Variants in LRPPRC observed in about 807,000 individuals in gnomAD.
The protein encoded by LRPPRC is leucine-rich PPR motif-containing protein, mitochondrial.
In LRPPRC, 120 loss-of-function variants were observed where a neutral mutation model predicts 180.3. The observed-to-expected ratio is 0.67, with a 90% CI of 0.57 to 0.77. The LOEUF (loss-of-function observed/expected upper bound fraction) is 0.77. LRPPRC is among the 30% of genes least tolerant of loss of function. The pLI, the probability that LRPPRC is intolerant of heterozygous loss-of-function variation, is 0.00. For synonymous variants in LRPPRC, 723 were observed against 600.0 expected (o/e 1.21, Z -3.00); for missense variants, 2,012 against 1,657.2 (o/e 1.21, Z -3.72).
chr2:43,972,160 G>A (rs915598253), intron 11 of LRPPRC, among the ~76,000 whole-genome samples: 4 of 152,102 alleles, frequency 2.6e-5, no homozygotes, highest in African/African-American at 9.7e-5. Context: ...TCTAATCCCA[G>A]CCTAATCACA....
chr2:43,921,515 A>G (rs1671699052), intron 27 of LRPPRC, among the ~76,000 whole-genome samples: 1 of 152,208 alleles, frequency 6.6e-6, no homozygotes, highest in Admixed American at 6.5e-5. Context: ...GTAAAGTATA[A>G]AACAATCAAA....
At chr2:43,919,297 T>C (rs1042898465) in intron 27 of LRPPRC, among the ~76,000 whole-genome samples, 4 of 152,200 alleles carry the variant, frequency 2.6e-5, no homozygotes, top group South Asian at 2.1e-4. Context: ...AACCAGTCCC[T>C]GGTACCAAAA....
At chr2:43,985,621 A>G (rs1182229392) in intron 1 of LRPPRC, among the ~76,000 whole-genome samples, 3 of 152,196 alleles carry the variant, frequency 2.0e-5, no homozygotes, top group Non-Finnish European at 2.9e-5. Context: ...TCACCTAGCA[A>G]TACACATTTA....
At chr2:43,919,402 C>A (rs1671615644) in intron 27 of LRPPRC, among the ~76,000 whole-genome samples, 1 of 152,166 alleles carries the variant, frequency 6.6e-6, no homozygotes, top group Non-Finnish European at 1.5e-5. Context: ...AATCTACAAA[C>A]CTTTTCACTT....
chr2:43,915,280 G>C (rs1464705520), intron 29 of LRPPRC, among the ~76,000 whole-genome samples: 1 of 132,028 alleles, frequency 7.6e-6, no homozygotes, highest in African/African-American at 2.8e-5. Context: ...ACACACACAA[G>C]TTCATCAGAA....
Position 43,947,722 on chromosome 2 carries a change from CCTA to C in LRPPRC, c.1965+6_1965+8del. On this transcript the variant is annotated splice_donor_region_variant and intron_variant, in intron 19 of 37. Transcript: ENST00000260665. ...ATAGCATGTAGAATCTAGTCAAAAT[CCTA>C]CTTACTTTTTGAAAGTCTAAATTCT... 1 of 1,519,442 alleles carries C rather than the reference CCTA, an allele frequency of 6.6e-7. No individual in the cohort carries two copies. Among genetic ancestry groups the C allele is most frequent in the Non-Finnish European group, 9.1e-7 (1 of 1,094,362 alleles). The allele number at this position is 1,519,442 out of a possible 1,614,324, so 94.1% of individuals were successfully genotyped here.
chr2:43,968,968 C>T (rs1673678685), intron 11 of LRPPRC, among the ~76,000 whole-genome samples: 1 of 152,154 alleles, frequency 6.6e-6, no homozygotes, highest in African/African-American at 2.4e-5. Flanking sequence ...AATCAGGACA[C>T]AATGTACCTG....
Position 43,977,039 on chromosome 2 carries a change from C to A in LRPPRC, c.605G>T (p.Arg202Ile). The A allele has an allele frequency of 6.2e-7, 1 of 1,613,388 alleles. No individual in the cohort carries two copies. Among genetic ancestry groups the A allele is most frequent in the South Asian group, 1.1e-5 (1 of 91,042 alleles). Residue 202 changes from arginine (R) to isoleucine (I), a missense_variant, in exon 5 of 38, where the codon AGA (arginine) becomes ATA (isoleucine). Physicochemically the swap from Arg to Ile is moderately conservative, Grantham distance 97. Coordinates refer to ENST00000260665, the MANE Select transcript of LRPPRC (RefSeq NM_133259.4). ...NIQPNRVTYQ[R>I]LIASYCNVGD... is the part of the protein sequence containing the mutation. ...TACATTACAATAAGAAGCAATCAATCTCTGGTATGTCACCTGTCAATGAAA... is the reference window on the plus strand; with the variant it reads ...TACATTACAATAAGAAGCAATCAATATCTGGTATGTCACCTGTCAATGAAA...
intron 11 of LRPPRC, among the ~76,000 whole-genome samples, chr2:43,966,778 C>T (rs182066823): frequency 2.6e-5 from 4 of 151,616 alleles, no homozygotes; most frequent in East Asian, 3.9e-4. Flanking sequence ...AAGCCCAGCA[C>T]GGTGGCTCAC....
intron 6 of LRPPRC, among the ~76,000 whole-genome samples, chr2:43,975,865 G>A (rs1292630189): frequency 6.6e-6 from 1 of 152,090 alleles, no homozygotes; most frequent in Non-Finnish European, 1.5e-5. Flanking sequence ...TTACAGGCAT[G>A]AGCCACCACG....
intron 25 of LRPPRC, among the ~76,000 whole-genome samples, chr2:43,929,545 T>C (rs1305076404): frequency 2.0e-5 from 3 of 152,218 alleles, no homozygotes; most frequent in South Asian, 2.1e-4. Flanking sequence ...TTCTAGGCTA[T>C]GCAGTTCATC....
At chr2:43,969,209 G>A (rs1175811161) in intron 11 of LRPPRC, among the ~76,000 whole-genome samples, 1 of 152,060 alleles carries the variant, frequency 6.6e-6, no homozygotes, top group Admixed American at 6.6e-5. Flanking sequence ...TCAGGAGATC[G>A]AGACCATTCT....
chr2:43,989,557 G>C (rs1674680206), intron 1 of LRPPRC, among the ~76,000 whole-genome samples: 1 of 152,184 alleles, frequency 6.6e-6, no homozygotes, highest in Non-Finnish European at 1.5e-5. Context: ...ACCTGTGAAA[G>C]TCTTTAAATC....
chr2:43,902,010 C>T (rs956507423), intron 31 of LRPPRC: 18 of 155,550 alleles, frequency 1.2e-4, no homozygotes, highest in African/African-American at 3.9e-4. Context: ...CAAACTGAAA[C>T]ATTGAACTTT....
chr2:43,960,615 T>A lies in LRPPRC; in HGVS notation c.1508A>T (p.Asp503Val). Residue 503 changes from aspartate (D) to valine (V), a missense_variant, in exon 13 of 38, where the codon GAT becomes GTT. Coordinates refer to ENST00000260665, the MANE Select transcript of LRPPRC (RefSeq NM_133259.4). ...TCCAGCTTGAGAAAACATATCACTA[T>A]CAGACAGACATCCATTTTCCTGGAG... ...AILQENGCLS[D>V]SDMFSQAGLR... 1 of 1,592,674 alleles carries A rather than the reference T, an allele frequency of 6.3e-7. No individual in the cohort carries two copies.
chr2:43,920,519 T>C (rs894403754), intron 27 of LRPPRC, among the ~76,000 whole-genome samples: 1 of 152,178 alleles, frequency 6.6e-6, no homozygotes, highest in Non-Finnish European at 1.5e-5. Flanking sequence ...ATTTTATACA[T>C]ATACTGATAA....
Position 43,888,144 on chromosome 2 carries a change from C to G in LRPPRC, c.*456G>C, listed in dbSNP as rs886056052. 24 of 183,946 alleles carry G rather than the reference C, an allele frequency of 1.3e-4. No individual in the cohort carries two copies. The highest frequency in any genetic ancestry group is 2.3e-4 in the Non-Finnish European group (20 of 87,710). The allele number at this position is 183,946 out of a possible 1,614,324, so 11.4% of individuals were successfully genotyped here. On this transcript the variant is annotated 3_prime_UTR_variant, in exon 38 of 38. Coordinates refer to ENST00000260665, the MANE Select transcript of LRPPRC (RefSeq NM_133259.4). ...CCTAGTGCCAACATTTAACAAAGTTCGAAAGTTATGCAGGACTTCACACAT... is the reference window on the plus strand; with the variant it reads ...CCTAGTGCCAACATTTAACAAAGTTGGAAAGTTATGCAGGACTTCACACAT...
At chr2:43,889,000 T>G (rs1329679206) in intron 37 of LRPPRC, among the ~76,000 whole-genome samples, 1 of 152,156 alleles carries the variant, frequency 6.6e-6, no homozygotes, top group African/African-American at 2.4e-5. Flanking sequence ...CAAAAAGGAA[T>G]TGTGCATATG....
At chr2:43,985,983 G>C (rs540507725) in intron 1 of LRPPRC, among the ~76,000 whole-genome samples, 2 of 152,126 alleles carry the variant, frequency 1.3e-5, no homozygotes, top group Non-Finnish European at 2.9e-5. Flanking sequence ...TGGGGTTTTC[G>C]ACGTTTTGCT....
Sources: allele counts gnomAD v4.1 joint callset (sites outside exome capture counted in the v4.1 genomes callset), GRCh38; gene constraint gnomAD v4.1.1; transcripts MANE v1.5; gene names NCBI Gene and HGNC (gene_info 2026-07-23, HGNC 2026-07-21).